DAG1: variants seen among roughly 807,000 people sequenced by gnomAD.
The protein encoded by DAG1 is dystroglycan 1.
DAG1 carries 8 observed loss-of-function variants against 46.1 expected under a neutral mutation model. The observed-to-expected ratio is 0.17, with a 90% CI of 0.10 to 0.31. DAG1 has a LOEUF of 0.31. DAG1 is among the 10% of genes least tolerant of loss of function. The probability of loss-of-function intolerance (pLI) is 1.00; values close to 1 mark genes in which losing one functional copy is unlikely to be tolerated. For synonymous variants in DAG1, 495 were observed against 481.8 expected (o/e 1.03, Z -0.36); for missense variants, 1,003 against 1,189.9 (o/e 0.84, Z 2.31).
At chr3:49,478,512 C>G (rs140526790) in intron 1 of DAG1, among the ~76,000 whole-genome samples, 1 of 111,174 alleles carries the variant, frequency 9.0e-6, no homozygotes, top group Non-Finnish European at 1.9e-5. Flanking sequence ...GTGGGGGCAT[C>G]TTTTGAGCCC....
Position 49,532,045 on chromosome 3 carries a change from A to G in DAG1, c.1534A>G (p.Thr512Ala). Residue 512 changes from threonine to alanine, a missense_variant, in exon 3 of 3, where the codon ACC (threonine) becomes GCC (alanine). Coordinates refer to ENST00000308775, the MANE Select transcript of DAG1 (RefSeq NM_004393.6). This position sits in a 1 kb window ranked among gnomAD's most constrained non-coding sequence, Gnocchi z 5.4. Reference protein sequence around the residue: ...HIDRVDAWVGTYFEVKIPSDT... With the variant: ...HIDRVDAWVGAYFEVKIPSDT... ...TGACAGGGTAGATGCCTGGGTTGGC[A>G]CCTACTTTGAGGTGAAGATCCCGTC... 4.3e-6 allele frequency: 7 copies of G among 1,614,206 alleles called. No homozygotes were observed. The highest frequency in any genetic ancestry group is 5.9e-6 in the Non-Finnish European group (7 of 1,180,024).
At position 49,510,688 on chromosome 3, in the gene DAG1, T is replaced by C; in HGVS notation, c.154T>C (p.Ser52Pro). 6.2e-7 allele frequency: 1 copy of C among 1,614,124 alleles called. No homozygotes were observed. The highest frequency in any genetic ancestry group is 8.5e-7 in the Non-Finnish European group (1 of 1,180,020). ...WENQLEASMH[S>P]VLSDLHEAVP... ...AAACCAGCTTGAGGCATCCATGCAC[T>C]CAGTGCTCTCAGACCTCCACGAGGC... Residue 52 changes from serine to proline, a missense_variant, in exon 2 of 3, where the codon TCA (serine) becomes CCA (proline). By Grantham distance (74) the Ser-to-Pro change is moderately conservative (BLOSUM62 -1). This residue lies in a region of DAG1 where 196 missense variants were observed against 239.1 expected (regional missense o/e 0.82). Transcript: ENST00000308775.
intron 1 of DAG1, among the ~76,000 whole-genome samples, chr3:49,508,208 T>A (rs1247438446): frequency 6.7e-6 from 1 of 149,536 alleles, no homozygotes; most frequent in Admixed American, 6.7e-5. Flanking sequence ...TTTTTTTTTT[T>A]TTTTAATAAT....
chr3:49,469,617 C>T (rs1403460868), upstream of DAG1, among the ~76,000 whole-genome samples: 1 of 152,186 alleles, frequency 6.6e-6, no homozygotes, highest in Admixed American at 6.5e-5. Flanking sequence ...GCCTGAGGCG[C>T]TTTCCGACTC....
chr3:49,484,133 G>C (rs2049955047), intron 1 of DAG1, among the ~76,000 whole-genome samples: 1 of 152,080 alleles, frequency 6.6e-6, no homozygotes, highest in South Asian at 2.1e-4. Context: ...TTCTGCTTTG[G>C]GTTTGTGCTA....
At chr3:49,506,411 T>TA (rs1392566924) in intron 1 of DAG1, among the ~76,000 whole-genome samples, 1 of 152,242 alleles carries the variant, frequency 6.6e-6, no homozygotes, top group East Asian at 1.9e-4. Context: ...CACCAGTAAA[T>TA]ACAGTGTTAG....
intron 1 of DAG1, among the ~76,000 whole-genome samples, chr3:49,483,343 A>G (rs533543042): frequency 1.3e-5 from 2 of 151,936 alleles, no homozygotes; most frequent in Admixed American, 1.3e-4. Context: ...AGCTGGAATG[A>G]TACACCATGC....
At chr3:49,514,741 C>T (rs1339813777) in intron 2 of DAG1, among the ~76,000 whole-genome samples, 7 of 151,542 alleles carry the variant, frequency 4.6e-5, no homozygotes, top group Admixed American at 6.6e-5. Context: ...CGGGTTCAAG[C>T]GATTCTCCTG....
chr3:49,497,708 G>A (rs1404490036), intron 1 of DAG1, among the ~76,000 whole-genome samples: 3 of 152,068 alleles, frequency 2.0e-5, no homozygotes, highest in Admixed American at 6.5e-5. Context: ...TATACTGTTC[G>A]GTAATAAATA....
At chr3:49,507,708 C>T (rs538568188) in intron 1 of DAG1, among the ~76,000 whole-genome samples, 1 of 149,390 alleles carries the variant, frequency 6.7e-6, no homozygotes, top group South Asian at 2.1e-4. Context: ...ATCTGTCATC[C>T]AGGCTAGAGT....
In DAG1 at chr3:49,498,792, T is replaced by C. The variant is rs567236758; in HGVS notation, c.-116-11627T>C. 2.0e-5 allele frequency among the ~76,000 whole-genome samples: 3 copies of C among 152,082 alleles called. No individual in the cohort carries two copies. The East Asian group carries it at 5.8e-4, about 29-fold the overall frequency. On this transcript the variant is annotated intron_variant, in intron 1 of 2. Transcript: ENST00000308775. ...GCAGTGTTGTAATCTCACTGCAATC[T>C]CACCATCCTGGGTTCAAGCAGTTCA...
At chr3:49,505,825 G>A (rs1432625204) in intron 1 of DAG1, among the ~76,000 whole-genome samples, 2 of 109,316 alleles carry the variant, frequency 1.8e-5, no homozygotes, top group Non-Finnish European at 1.9e-5. Context: ...CACCATGCCC[G>A]GCTAATTTTG....
At chr3:49,523,726 A>C (rs2051098482) in intron 2 of DAG1, among the ~76,000 whole-genome samples, 1 of 152,100 alleles carries the variant, frequency 6.6e-6, no homozygotes, top group Non-Finnish European at 1.5e-5. Flanking sequence ...GTAGCCTCAA[A>C]TTACTTACTG....
intron 2 of DAG1, among the ~76,000 whole-genome samples, chr3:49,514,563 C>T (rs374576195): frequency 6.6e-6 from 1 of 152,206 alleles, no homozygotes; most frequent in South Asian, 2.1e-4. Flanking sequence ...CTCCACCTCC[C>T]GGGTTCAAAT....
At chr3:49,500,693 TG>T (rs1170435829) in intron 1 of DAG1, among the ~76,000 whole-genome samples, 4 of 152,188 alleles carry the variant, frequency 2.6e-5, no homozygotes, top group Non-Finnish European at 5.9e-5. Context: ...GGTGTTAAAT[TG>T]GGTAGCTGTG....
chr3:49,505,568 A>G (rs181772459), intron 1 of DAG1, among the ~76,000 whole-genome samples: 11 of 152,344 alleles, frequency 7.2e-5, no homozygotes, highest in Admixed American at 7.2e-4. Flanking sequence ...GAACTGATAT[A>G]GGACTATAAG....
upstream of DAG1, among the ~76,000 whole-genome samples, chr3:49,469,365 G>C (rs1459604457): frequency 6.6e-6 from 1 of 152,232 alleles, no homozygotes; most frequent in Non-Finnish European, 1.5e-5. Flanking sequence ...TTCAGTAACT[G>C]TGAAGTCTGG....
intron 1 of DAG1, among the ~76,000 whole-genome samples, chr3:49,501,272 T>C (rs1002140598): frequency 6.6e-6 from 1 of 152,044 alleles, no homozygotes; most frequent in African/African-American, 2.4e-5. Flanking sequence ...AATTTTAAAA[T>C]TGAGAATGAG....
chr3:49,510,107 CTG>C (rs371489051), intron 1 of DAG1: 8 of 339,358 alleles, frequency 2.4e-5, no homozygotes, highest in Admixed American at 1.7e-4. Flanking sequence ...ATGTATCTGA[CTG>C]TATTCAAAAT....
Sources: gnomAD v4.1 joint callset for allele counts (sites outside exome capture counted in the v4.1 genomes callset) on GRCh38, gnomAD v4.1.1 for gene constraint, gnomAD v4.1.1 regional missense constraint, Gnocchi (gnomAD v3.1) non-coding constraint, MANE v1.5 for transcripts, NCBI Gene and HGNC (gene_info 2026-07-23, HGNC 2026-07-21) for gene names.